The following AKAP13 variants were observed in gnomAD, a reference collection of about 807,000 sequenced individuals.
The protein encoded by AKAP13 is A-kinase anchoring protein 13.
In AKAP13, 80 loss-of-function variants were observed where a neutral mutation model predicts 264.5. The ratio of observed to expected loss-of-function variants is 0.30; its 90% CI spans 0.25 to 0.36. The LOEUF is 0.36. Among genes scored for constraint, AKAP13 ranks in the 10% least tolerant of loss-of-function variants. AKAP13 has a pLI of 1.00. For missense variants in AKAP13, 3,712 were observed against 3,435.2 expected, an observed-to-expected ratio of 1.08 and a Z score of -2.01; for synonymous variants, 1,380 against 1,250.2, an observed-to-expected ratio of 1.10 and a Z score of -2.19.
chr15:85,619,751 A>G (rs2081092001), intron 8 of AKAP13: 1 of 1,037,244 alleles, frequency 9.6e-7, no homozygotes, highest in East Asian at 7.9e-5. Context: ...AGTCATTGCC[A>G]GTGATGGAAA....
intron 2 of AKAP13, among the ~76,000 whole-genome samples, chr15:85,507,413 G>C (rs868696337): frequency 6.6e-6 from 1 of 151,212 alleles, no homozygotes; most frequent in African/African-American, 2.4e-5. Context: ...GAAACGAGTA[G>C]TTGCAGTAGT....
chr15:85,400,296 G>A (rs967674705), intron 1 of AKAP13, among the ~76,000 whole-genome samples: 1 of 152,120 alleles, frequency 6.6e-6, no homozygotes, highest in African/African-American at 2.4e-5. Flanking sequence ...TATAGTTGTA[G>A]CTACCTGAGA....
intron 5 of AKAP13, among the ~76,000 whole-genome samples, chr15:85,568,531 G>A (rs1282866770): frequency 6.6e-6 from 1 of 152,170 alleles, no homozygotes; most frequent in Non-Finnish European, 1.5e-5. Flanking sequence ...AAGAACATCG[G>A]TGAATACGGA....
intron 1 of AKAP13, among the ~76,000 whole-genome samples, chr15:85,390,282 G>C (rs147736985): frequency 8.3e-4 from 126 of 152,330 alleles, no homozygotes; most frequent in African/African-American, 2.8e-3. Context: ...GGAAGGATAT[G>C]AAGAGTATTA....
intron 1 of AKAP13, among the ~76,000 whole-genome samples, chr15:85,420,412 C>T (rs1245662426): frequency 6.6e-6 from 1 of 152,094 alleles, no homozygotes; most frequent in Non-Finnish European, 1.5e-5. Context: ...TCTGTTCATT[C>T]ATCTTTGGAG....
rs539016022 is a variant in AKAP13, at chr15:85,504,067, G to A, written c.34-17361G>A. On this transcript the variant is annotated intron_variant, in intron 2 of 36. Transcript: ENST00000394518. ...ACTCTGTGCTTCCCAGTGTGTGGAG[G>A]CCAGCTTAGAAGCCTGGAGTCCCAA... is the stretch of plus-strand genomic sequence containing the variant. Among the ~76,000 whole-genome samples, 193 of 152,256 alleles carry A rather than the reference G, an allele frequency of 1.3e-3. 2 individuals are homozygous for A. The highest frequency in any genetic ancestry group is 4.4e-3 in the African/African-American group (183 of 41,538).
Position 85,741,486 on chromosome 15 carries a change from C to G in AKAP13, c.8049C>G (p.Asp2683Glu), listed in dbSNP as rs757821491. The G allele has an allele frequency of 6.3e-7, 1 of 1,590,006 alleles. No individual in the cohort carries two copies. The highest frequency in any genetic ancestry group is 8.6e-7 in the Non-Finnish European group (1 of 1,164,014). The change falls in exon 35 of 37, where the codon GAC becomes GAG. Residue 2683 changes from aspartate to glutamate, a missense_variant. Transcript: ENST00000394518. ...TCAGCCAGCGGCAGACAGAACGGGA[C>G]CTGTGTCAGGTAATGGGACTCCCTG... ...ERLSQRQTER[D>E]LCQVSHPHTK...
chr15:85,546,901 G>T (rs1417672893), intron 5 of AKAP13, among the ~76,000 whole-genome samples: 1 of 152,064 alleles, frequency 6.6e-6, no homozygotes. Context: ...GCGCCACCAT[G>T]TCCGGCTAAT....
At chr15:85,681,476 G>C (rs1043312323) in intron 14 of AKAP13, among the ~76,000 whole-genome samples, 1 of 151,966 alleles carries the variant, frequency 6.6e-6, no homozygotes, top group Non-Finnish European at 1.5e-5. Flanking sequence ...TTAATGACCT[G>C]CGGCAGTTTA....
At chr15:85,548,274 A>G (rs944068959) in intron 5 of AKAP13, among the ~76,000 whole-genome samples, 2 of 152,214 alleles carry the variant, frequency 1.3e-5, no homozygotes, top group African/African-American at 2.4e-5. Flanking sequence ...TCTTCATCTC[A>G]TAAATAAAGG....
intron 3 of AKAP13, 32 bp downstream of exon 3, chr15:85,521,607 T>G: frequency 6.2e-7 from 1 of 1,607,116 alleles, no homozygotes. Flanking sequence ...TTACTAGCTT[T>G]TCCTAGTTCT....
At chr15:85,424,444 T>C (rs2150907662) in intron 1 of AKAP13, among the ~76,000 whole-genome samples, 1 of 152,352 alleles carries the variant, frequency 6.6e-6, no homozygotes, top group South Asian at 2.1e-4. Context: ...CTTCTGCAGC[T>C]TCTTCACCTG....
At chr15:85,524,875 C>CTGTG (rs61626116) in intron 3 of AKAP13, among the ~76,000 whole-genome samples, 35,502 of 147,092 alleles carry the variant, frequency 0.24, 4,661 homozygotes, top group Non-Finnish European at 0.3. Flanking sequence ...CCCCATTCCC[C>CTGTG]TGTGTGTGTG....
At chr15:85,422,292 T>G (rs2072560435) in intron 1 of AKAP13, among the ~76,000 whole-genome samples, 1 of 151,976 alleles carries the variant, frequency 6.6e-6, no homozygotes, top group Non-Finnish European at 1.5e-5. Flanking sequence ...CCTGACCCAG[T>G]TTAGAGTGAG....
At chr15:85,425,628 A>G (rs2072741109) in intron 1 of AKAP13, among the ~76,000 whole-genome samples, 1 of 151,544 alleles carries the variant, frequency 6.6e-6, no homozygotes, top group Non-Finnish European at 1.5e-5. Context: ...AGGCAGGAGA[A>G]TCACTTGAAC....
intron 12 of AKAP13, among the ~76,000 whole-genome samples, chr15:85,660,920 C>T (rs1053855650): frequency 1.3e-5 from 2 of 152,198 alleles, no homozygotes; most frequent in Non-Finnish European, 2.9e-5. Flanking sequence ...TGTCTCCTTT[C>T]TCCAGCCAAA....
intron 1 of AKAP13, among the ~76,000 whole-genome samples, chr15:85,454,017 C>T (rs1247441952): frequency 6.6e-6 from 1 of 152,200 alleles, no homozygotes; most frequent in African/African-American, 2.4e-5. Context: ...CCACCTCTTC[C>T]CCTAGGAGCT....
chr15:85,404,860 CTATCTTTAAA>C (rs1288021890), intron 1 of AKAP13, among the ~76,000 whole-genome samples: 19 of 152,216 alleles, frequency 1.2e-4, no homozygotes, highest in African/African-American at 3.6e-4. Context: ...CAAATTGTTA[CTATCTTTAAA>C]GTTATTTTGC....
chr15:85,481,630 T>A (rs1192697539), intron 1 of AKAP13, among the ~76,000 whole-genome samples: 2 of 152,234 alleles, frequency 1.3e-5, no homozygotes, highest in Non-Finnish European at 2.9e-5. Flanking sequence ...ACCCCTCAAA[T>A]TTCTGATTCC....
Sources: allele counts gnomAD v4.1 joint callset (sites outside exome capture counted in the v4.1 genomes callset), GRCh38; gene constraint gnomAD v4.1.1; transcripts MANE v1.5; gene names NCBI Gene and HGNC (gene_info 2026-07-23, HGNC 2026-07-21).